Variants in GABRG3 observed in about 807,000 individuals in gnomAD.
The protein encoded by GABRG3 is gamma-aminobutyric acid receptor subunit gamma-3.
In GABRG3, 25 loss-of-function variants were observed where a neutral mutation model predicts 48.8. The ratio of observed to expected loss-of-function variants is 0.51; its 90% confidence interval spans 0.37 to 0.72. The LOEUF (loss-of-function observed/expected upper bound fraction) is 0.72, where lower values mean the gene tolerates loss of function less well. GABRG3 is among the 30% of genes least tolerant of loss of function. The pLI is 0.00. For missense variants in GABRG3, 394 were observed against 577.9 expected, an observed-to-expected ratio of 0.68 and a Z score of 3.26; for synonymous variants, 227 against 217.6, an observed-to-expected ratio of 1.04 and a Z score of -0.38.
chr15:27,388,731 C>T (rs1896127128), intron 5 of GABRG3, among the ~76,000 whole-genome samples: 1 of 151,976 alleles, frequency 6.6e-6, no homozygotes, highest in Non-Finnish European at 1.5e-5. Context: ...ACAGACTCAG[C>T]GGAGAGTGCA....
intron 3 of GABRG3, among the ~76,000 whole-genome samples, chr15:27,148,815 A>T (rs1408676162): frequency 6.6e-6 from 1 of 152,050 alleles, no homozygotes; most frequent in Non-Finnish European, 1.5e-5. Flanking sequence ...TGATGTAAAC[A>T]TCCAACATAC....
intron 5 of GABRG3, among the ~76,000 whole-genome samples, chr15:27,376,842 C>T (rs1270173049): frequency 6.6e-6 from 1 of 152,196 alleles, no homozygotes; most frequent in Non-Finnish European, 1.5e-5. Flanking sequence ...TAACATTCGA[C>T]TCCTCATTAC....
At chr15:27,211,155 C>T (rs1201987594) in intron 3 of GABRG3, among the ~76,000 whole-genome samples, 4 of 152,150 alleles carry the variant, frequency 2.6e-5, no homozygotes, top group Admixed American at 2.0e-4. Flanking sequence ...CCTCATCACA[C>T]GAGTGTGTCC....
chr15:27,244,389 G>T (rs932478625), intron 3 of GABRG3, among the ~76,000 whole-genome samples: 8 of 152,180 alleles, frequency 5.3e-5, no homozygotes, highest in Admixed American at 3.9e-4. Context: ...TGAGCATGCT[G>T]GGAGCATCTC....
At chr15:27,403,922 A>AC (rs201387729) in intron 5 of GABRG3, among the ~76,000 whole-genome samples, 28 of 127,978 alleles carry the variant, frequency 2.2e-4, no homozygotes, top group Admixed American at 3.7e-4. Context: ...AACAAAAAAA[A>AC]AAAAAACAAA....
intron 3 of GABRG3, among the ~76,000 whole-genome samples, chr15:27,148,181 A>G (rs915008046): frequency 6.6e-6 from 1 of 151,964 alleles, no homozygotes; most frequent in Non-Finnish European, 1.5e-5. Flanking sequence ...TACTTTGATT[A>G]TTAGATTATA....
At chr15:27,036,257 G>C (rs1896175761) in intron 3 of GABRG3, among the ~76,000 whole-genome samples, 1 of 152,202 alleles carries the variant, frequency 6.6e-6, no homozygotes, top group Admixed American at 6.5e-5. Flanking sequence ...CAGGAGAGGG[G>C]AGGAAGCTTC....
intron 5 of GABRG3, among the ~76,000 whole-genome samples, chr15:27,377,426 A>T (rs556410148): frequency 1.3e-5 from 2 of 152,156 alleles, no homozygotes; most frequent in Non-Finnish European, 2.9e-5. Flanking sequence ...TGATAAAGAC[A>T]TACCCAAGAC....
chr15:27,162,279 T>C (rs1887219175), intron 3 of GABRG3, among the ~76,000 whole-genome samples: 1 of 152,128 alleles, frequency 6.6e-6, no homozygotes, highest in African/African-American at 2.4e-5. Flanking sequence ...TCACGCTGAG[T>C]GTAGCATTTG....
chr15:26,976,794 T>C lies in GABRG3; in HGVS notation c.54-208T>C, dbSNP rs537959226. Among the ~76,000 whole-genome samples the C allele has an allele frequency of 6.6e-6, 1 of 152,336 alleles. No homozygotes were observed. The highest frequency in any genetic ancestry group is 2.1e-4 in the South Asian group (1 of 4,830). ...GGCATTTAATAAAAACATACCATGT[T>C]AATAGCAGTAGCATTCTTCCTATGG... On this transcript the variant is annotated intron_variant, in intron 1 of 9. Transcript: ENST00000615808. This position sits in a 1 kb window ranked among gnomAD's most constrained non-coding sequence, Gnocchi z 7.8.
Position 27,539,973 on chromosome 15 carries a change from C to T in GABRG3, c.*7092C>T, listed in dbSNP as rs1891629407. On this transcript the variant is annotated 3_prime_UTR_variant, in exon 10 of 10. Coordinates refer to ENST00000615808, the MANE Select transcript of GABRG3 (RefSeq NM_033223.5). The stretch of plus-strand genomic sequence containing the variant: ...TACATCTACATCATAACCATCATCA[C>T]CCTCATTGTCCTCTTCCATGTTTCT... 6.6e-6 allele frequency: 1 copy of T among 152,192 alleles called. No individual in the cohort carries two copies. The allele number at this position is 152,192 out of a possible 1,614,324, so 9.4% of individuals were successfully genotyped here. A position where few individuals can be genotyped will look rare whatever the true frequency, so the allele number is the denominator to read the frequency against.
In GABRG3 at chr15:27,532,973, G is replaced by A; in HGVS notation, c.*92G>A. 1.7e-6 allele frequency: 2 copies of A among 1,165,616 alleles called. No homozygotes were observed. The highest frequency in any genetic ancestry group is 4.8e-5 in the East Asian group (2 of 41,396). The allele number at this position is 1,165,616 out of a possible 1,614,324, so 72.2% of individuals were successfully genotyped here. ...GTAGTGACCAATCGGGAGTAGCAAGGAAGGACACTGCCCAGTGTATCTTGT... is the reference window on the plus strand; with the variant it reads ...GTAGTGACCAATCGGGAGTAGCAAGAAAGGACACTGCCCAGTGTATCTTGT... On this transcript the variant is annotated 3_prime_UTR_variant, in exon 10 of 10. Coordinates refer to ENST00000615808, the MANE Select transcript of GABRG3 (RefSeq NM_033223.5).
chr15:27,318,658 C>T (rs573213920), intron 3 of GABRG3, among the ~76,000 whole-genome samples: 1 of 152,194 alleles, frequency 6.6e-6, no homozygotes, highest in South Asian at 2.1e-4. Flanking sequence ...TTTTGTTTTT[C>T]CTGGAGGGAA....
At chr15:27,124,532 G>T (rs1015455438) in intron 3 of GABRG3, among the ~76,000 whole-genome samples, 1 of 152,242 alleles carries the variant, frequency 6.6e-6, no homozygotes, top group Non-Finnish European at 1.5e-5. Flanking sequence ...AGGGAGAGAC[G>T]ATGATGCCCA....
At chr15:27,360,443 C>G (rs1894983557) in intron 5 of GABRG3, among the ~76,000 whole-genome samples, 1 of 152,176 alleles carries the variant, frequency 6.6e-6, no homozygotes, top group Admixed American at 6.5e-5. Flanking sequence ...CATGGGCCAC[C>G]AGAAACACAC....
At chr15:27,284,013 A>G (rs1442126897) in intron 3 of GABRG3, among the ~76,000 whole-genome samples, 2 of 152,192 alleles carry the variant, frequency 1.3e-5, no homozygotes, top group Non-Finnish European at 2.9e-5. Flanking sequence ...TCTTTGCCCA[A>G]AGAACTCACC....
rs570272265 is a variant in GABRG3 at position 27,119,414 on chromosome 15, A to G, written c.270+92593A>G. Among the ~76,000 whole-genome samples the G allele has an allele frequency of 5.5e-4, 84 of 152,366 alleles. 1 individual carries two copies. The highest frequency in any genetic ancestry group is 2.0e-3 in the Admixed American group (30 of 15,308). ...GTTAAGGAAAAGATATAACTTTTTC[A>G]GTCCTACATGTTTATGGTGAAATAT... On this transcript the variant is annotated intron_variant, in intron 3 of 9. Transcript: ENST00000615808.
chr15:27,203,029 A>G (rs193233766), intron 3 of GABRG3, among the ~76,000 whole-genome samples: 13 of 152,272 alleles, frequency 8.5e-5, no homozygotes, highest in African/African-American at 2.9e-4. Flanking sequence ...TCTTTAATCT[A>G]TATGGAACTG....
chr15:27,356,473 T>C (rs1894846032), intron 5 of GABRG3, among the ~76,000 whole-genome samples: 1 of 152,350 alleles, frequency 6.6e-6, no homozygotes. Context: ...CCCTCGGCTC[T>C]TCTCTTCAGA....
Sources: allele counts gnomAD v4.1 joint callset (sites outside exome capture counted in the v4.1 genomes callset), GRCh38; gene constraint gnomAD v4.1.1; non-coding constraint Gnocchi (gnomAD v3.1); transcripts MANE v1.5; gene names NCBI Gene and HGNC (gene_info 2026-07-23, HGNC 2026-07-21).